Variants in SMCHD1 observed in about 807,000 individuals in gnomAD.
The protein encoded by SMCHD1 is structural maintenance of chromosomes flexible hinge domain-containing protein 1.
SMCHD1 carries 78 observed loss-of-function variants against 254.7 expected under a neutral mutation model. That is an observed-to-expected ratio of 0.31 (90% CI 0.26 to 0.37). The LOEUF (loss-of-function observed/expected upper bound fraction) is 0.37. Among genes scored for constraint, SMCHD1 ranks in the 10% least tolerant of loss-of-function variants. SMCHD1 has a pLI of 1.00. For synonymous variants in SMCHD1, 766 were observed against 794.9 expected (o/e 0.96, Z 0.61); for missense variants, 1,840 against 2,408.1 (o/e 0.76, Z 4.94).
In SMCHD1 at chr18:2,736,137, C is replaced by T. The variant is rs185672868; in HGVS notation, c.3277-2260C>T. Among the ~76,000 whole-genome samples the T allele has an allele frequency of 4.2e-3, 644 of 152,074 alleles. 4 individuals are homozygous for T. Among genetic ancestry groups the T allele is most frequent in the African/African-American group, 0.015 (620 of 41,486 alleles). On this transcript the variant is annotated intron_variant, in intron 25 of 47. Transcript: ENST00000320876. ...ACAGCTATCTGATCTTTGACAAAGG[C>T]GACAATAACAAGCAATGGGAAAGGA...
chr18:2,716,056 G>A (rs1415703758), intron 17 of SMCHD1, among the ~76,000 whole-genome samples: 1 of 151,996 alleles, frequency 6.6e-6, no homozygotes, highest in African/African-American at 2.4e-5. Flanking sequence ...CATTTGTTGG[G>A]GCAGGACTTA....
At position 2,795,952 on chromosome 18, in the gene SMCHD1, T is replaced by A; in HGVS notation, c.5723T>A (p.Leu1908His). The A allele has an allele frequency of 2.5e-6, 4 of 1,580,512 alleles. No homozygotes were observed. Among genetic ancestry groups the A allele is most frequent in the Non-Finnish European group, 2.6e-6 (3 of 1,163,446 alleles). ...AATGCATTTGGTTTCTTTACAGATCTTCTTCAGCAGTATCGTTCTGCTGTG... is the reference window on the plus strand; with the variant it reads ...AATGCATTTGGTTTCTTTACAGATCATCTTCAGCAGTATCGTTCTGCTGTG... ...QCLILGEQID[L>H]LQQYRSAVCK... is the part of the protein sequence containing the mutation. Residue 1908 changes from leucine to histidine, a missense_variant, in exon 46 of 48, where the codon CTT (leucine) becomes CAT (histidine). Coordinates refer to ENST00000320876, the MANE Select transcript of SMCHD1 (RefSeq NM_015295.3).
intron 34 of SMCHD1, among the ~76,000 whole-genome samples, chr18:2,758,331 T>C (rs2075721645): frequency 6.6e-6 from 1 of 152,228 alleles, no homozygotes. Context: ...TTGTAACGTG[T>C]ATACTTGACA....
intron 17 of SMCHD1, among the ~76,000 whole-genome samples, chr18:2,710,164 A>C (rs1182008001): frequency 6.6e-6 from 1 of 152,120 alleles, no homozygotes; most frequent in Non-Finnish European, 1.5e-5. Flanking sequence ...TACTTTCTCT[A>C]TTGAATTGTT....
At position 2,731,050 on chromosome 18, in the gene SMCHD1, A is replaced by G. The variant is rs548717110; in HGVS notation, c.3049-1215A>G. Among the ~76,000 whole-genome samples the G allele has an allele frequency of 7.2e-5, 11 of 152,358 alleles. No homozygotes were observed. The South Asian group carries it at 1.0e-3, about 14-fold the overall frequency. On this transcript the variant is annotated intron_variant, in intron 24 of 47. Transcript: ENST00000320876. ...TTCAGGTCAGTTAAAACAAATGCCA[A>G]CGTAAATCCTCTAATAGGCAGTTAC...
chr18:2,676,044 C>G (rs1190894423), intron 5 of SMCHD1, among the ~76,000 whole-genome samples: 2 of 152,156 alleles, frequency 1.3e-5, no homozygotes, highest in African/African-American at 4.8e-5. Context: ...CTATCAATAT[C>G]AGATACACCC....
At chr18:2,771,459 T>G in intron 39 of SMCHD1, 74 bp from the exon 40 acceptor site, 1 of 1,130,888 alleles carries the variant, frequency 8.8e-7, no homozygotes, top group Non-Finnish European at 1.3e-6. Flanking sequence ...CAAAAGGAAC[T>G]TTAAAATATT....
chr18:2,745,186 T>TTTATTTTAAAAAATTTAAAAAA (rs6146190), intron 29 of SMCHD1, among the ~76,000 whole-genome samples: 1 of 99,960 alleles, frequency 1.0e-5, no homozygotes, highest in Non-Finnish European at 2.2e-5. Context: ...TGAAACAAGT[T>TTTATTTTAAAAAATTTAAAAAA]TTATTTATTT....
At position 2,703,675 on chromosome 18, in the gene SMCHD1, A is replaced by T. The variant is rs1382969091; in HGVS notation, c.1648-17A>T. The stretch of plus-strand genomic sequence containing the variant: ...TGCTAGTAGCTATATTTCATAAAAC[A>T]TTTTAAAATTCTACAGGAACAGCGA... On this transcript the variant is annotated splice_polypyrimidine_tract_variant and intron_variant, in intron 12 of 47. Transcript: ENST00000320876. The T allele has an allele frequency of 1.3e-6, 2 of 1,590,822 alleles. No individual in the cohort carries two copies. The highest frequency in any genetic ancestry group is 2.3e-5 in the East Asian group (1 of 44,376).
chr18:2,766,459 A>C (rs1568342269), intron 37 of SMCHD1, among the ~76,000 whole-genome samples: 1 of 152,224 alleles, frequency 6.6e-6, no homozygotes, highest in Non-Finnish European at 1.5e-5. Context: ...GGACCCTGAT[A>C]TCTCACTGAA....
chr18:2,716,730 C>T (rs529730408), intron 17 of SMCHD1, among the ~76,000 whole-genome samples: 1 of 152,322 alleles, frequency 6.6e-6, no homozygotes, highest in South Asian at 2.1e-4. Context: ...GGCTCCACAA[C>T]CTGGCAGGTG....
At chr18:2,693,329 A>G (rs559733774) in intron 7 of SMCHD1, among the ~76,000 whole-genome samples, 68 of 152,228 alleles carry the variant, frequency 4.5e-4, no homozygotes, top group Non-Finnish European at 9.0e-4. Context: ...TTTTGTTGCT[A>G]TGTGAACATC....
At chr18:2,733,775 A>G (rs2075191721) in intron 25 of SMCHD1, among the ~76,000 whole-genome samples, 1 of 152,256 alleles carries the variant, frequency 6.6e-6, no homozygotes, top group South Asian at 2.1e-4. Context: ...TAAGCATTGT[A>G]ACAGAACTTA....
rs76290319 is a variant in SMCHD1 at position 2,739,450 on chromosome 18, T to C, written c.3444T>C (p.Pro1148=). Residue 1148 remains proline (P), a synonymous_variant, in exon 27 of 48, where the codon CCT becomes CCC. Transcript: ENST00000320876. Reference sequence around the variant, plus strand: ...ATTTCAGACCACTTCCTGATGAACCTAAACATTTAAAATGTGAAATGAAAG... The same window carrying C: ...ATTTCAGACCACTTCCTGATGAACCCAAACATTTAAAATGTGAAATGAAAG... ...AFTVRPLPDE[P]KHLKCEMKGG... is the part of the protein sequence containing the mutation. 3 of 1,612,986 alleles carry C rather than the reference T, an allele frequency of 1.9e-6. No individual in the cohort carries two copies. In the African/African-American group the frequency reaches 4.0e-5, roughly 22 times the overall value.
intron 17 of SMCHD1, among the ~76,000 whole-genome samples, chr18:2,711,167 G>C (rs1382783023): frequency 1.3e-5 from 2 of 151,844 alleles, no homozygotes; most frequent in African/African-American, 2.4e-5. Context: ...TTTATCAATG[G>C]ATGAGAGTTT....
intron 23 of SMCHD1, among the ~76,000 whole-genome samples, chr18:2,728,994 A>G (rs1197405269): frequency 6.6e-6 from 1 of 152,080 alleles, no homozygotes; most frequent in Non-Finnish European, 1.5e-5. Flanking sequence ...AGGTAGGTAA[A>G]AGACCGCAGA....
At chr18:2,777,381 G>A (rs1257037063) in intron 42 of SMCHD1, among the ~76,000 whole-genome samples, 1 of 152,124 alleles carries the variant, frequency 6.6e-6, no homozygotes, top group East Asian at 1.9e-4. Flanking sequence ...TATTGTGTGG[G>A]AAGGACAGGA....
At chr18:2,686,673 G>T (rs187130068) in intron 5 of SMCHD1, among the ~76,000 whole-genome samples, 1 of 152,114 alleles carries the variant, frequency 6.6e-6, no homozygotes, top group East Asian at 1.9e-4. Flanking sequence ...ACTTGTGTGG[G>T]GAGGCATTTT....
intron 5 of SMCHD1, among the ~76,000 whole-genome samples, chr18:2,678,208 C>CTT (rs1555627930): frequency 2.5e-5 from 1 of 40,670 alleles, no homozygotes; most frequent in Admixed American, 4.1e-4. Context: ...TCTTTTCTTT[C>CTT]TTTTCTTTCT....
Sources: gnomAD v4.1 joint callset for allele counts (sites outside exome capture counted in the v4.1 genomes callset) on GRCh38, gnomAD v4.1.1 for gene constraint, MANE v1.5 for transcripts, NCBI Gene and HGNC (gene_info 2026-07-23, HGNC 2026-07-21) for gene names.